Variants in PHIP observed in about 807,000 individuals in gnomAD.
PHIP encodes the protein PH-interacting protein.
A neutral mutation model predicts 236.8 loss-of-function variants in PHIP; 54 were observed. That is an observed-to-expected ratio of 0.23 (90% confidence interval 0.18 to 0.29). The LOEUF is 0.29. Ranked by LOEUF, PHIP falls within the 10% of genes least tolerant of loss-of-function variation. The pLI is 1.00. For synonymous variants in PHIP, 756 were observed against 718.9 expected, an observed-to-expected ratio of 1.05 and a Z score of -0.83; for missense variants, 1,370 against 2,190.8, an observed-to-expected ratio of 0.63 and a Z score of 7.48.
chr6:78,981,450 T>A (rs867470891), intron 23 of PHIP, among the ~76,000 whole-genome samples: 2 of 152,040 alleles, frequency 1.3e-5, no homozygotes, highest in African/African-American at 4.8e-5. Flanking sequence ...ATATTTAAAG[T>A]GACCCACATA....
intron 6 of PHIP, among the ~76,000 whole-genome samples, chr6:79,045,721 T>A (rs746290362): frequency 6.6e-6 from 1 of 152,130 alleles, no homozygotes; most frequent in African/African-American, 2.4e-5. Context: ...AGCTAGAACA[T>A]CAATTTTTAA....
chr6:78,982,803 GT>G, intron 23 of PHIP, 82 bp downstream of exon 23: 1 of 799,374 alleles, frequency 1.3e-6, no homozygotes, highest in Non-Finnish European at 2.0e-6. Flanking sequence ...CTTCAACAAT[GT>G]TTGTGATCAA....
intron 4 of PHIP, among the ~76,000 whole-genome samples, chr6:79,067,334 A>G (rs1206169666): frequency 6.6e-6 from 1 of 152,296 alleles, no homozygotes. Flanking sequence ...TTTCAAACTT[A>G]TGTCCCTTCC....
chr6:78,946,589 T>C, intron 37 of PHIP, 122 bp downstream of exon 37: 1 of 1,420,210 alleles, frequency 7.0e-7, no homozygotes, highest in Non-Finnish European at 9.1e-7. Context: ...CATAGGAACT[T>C]GCATGTCAAA....
chr6:78,963,054 T>C (rs775113377), intron 30 of PHIP, 43 bp downstream of exon 30: 1 of 1,526,958 alleles, frequency 6.5e-7, no homozygotes, highest in Non-Finnish European at 8.8e-7. Context: ...CATTACTTTG[T>C]GTTCTGCCAG....
intron 15 of PHIP, among the ~76,000 whole-genome samples, chr6:79,005,241 G>C (rs2127734056): frequency 6.6e-6 from 1 of 152,026 alleles, no homozygotes; most frequent in South Asian, 2.1e-4. Flanking sequence ...GAAAGTTGGA[G>C]GATGATAAGA....
chr6:79,037,984 G>A (rs779555665), intron 7 of PHIP, among the ~76,000 whole-genome samples: 4 of 152,180 alleles, frequency 2.6e-5, no homozygotes, highest in Non-Finnish European at 5.9e-5. Context: ...AAAGTTAAGC[G>A]GCAGTACTCC....
chr6:79,051,424 A>C (rs1772790606), intron 6 of PHIP, among the ~76,000 whole-genome samples: 1 of 152,176 alleles, frequency 6.6e-6, no homozygotes, highest in South Asian at 2.1e-4. Flanking sequence ...AGTAAGGGGA[A>C]ATAGTCACCT....
chr6:79,049,074 CTT>C (rs759656243), intron 6 of PHIP, among the ~76,000 whole-genome samples: 24 of 145,008 alleles, frequency 1.7e-4, no homozygotes, highest in African/African-American at 4.5e-4. Context: ...ACTAGTTTTA[CTT>C]TTTTTTTTTT....
intron 9 of PHIP, among the ~76,000 whole-genome samples, chr6:79,022,592 T>A (rs958240968): frequency 6.6e-6 from 1 of 152,214 alleles, no homozygotes; most frequent in African/African-American, 2.4e-5. Context: ...CTTGGCAGAC[T>A]AAGCGCCTAA....
At chr6:78,972,826 GA>G (rs887431124) in intron 24 of PHIP, among the ~76,000 whole-genome samples, 33 of 152,094 alleles carry the variant, frequency 2.2e-4, no homozygotes, top group Non-Finnish European at 3.7e-4. Flanking sequence ...GAAGTTTAGA[GA>G]AAAAAACAAT....
chr6:78,977,897 T>C (rs1479392076), intron 24 of PHIP, among the ~76,000 whole-genome samples: 2 of 152,174 alleles, frequency 1.3e-5, no homozygotes, highest in African/African-American at 4.8e-5. Flanking sequence ...TACCACTTTA[T>C]ACTGTAAATT....
rs1773487695 is a variant in PHIP at position 78,941,290 on chromosome 6, T to C, written c.4869A>G (p.Gln1623=). Residue 1623 remains glutamine (Q), a synonymous_variant, in exon 40 of 40, where the codon CAA becomes CAG. Transcript: ENST00000275034. ...KNNALVPGTI[Q]VNGHGGQPSK... ...ATGGCTGTCCTCCATGGCCATTTAC[T>C]TGAATGGTTCCTGGTACAAGAGCGT... The C allele has an allele frequency of 6.2e-7, 1 of 1,613,452 alleles. No individual in the cohort carries two copies. Among genetic ancestry groups the C allele is most frequent in the African/African-American group, 1.3e-5 (1 of 74,920 alleles).
intron 31 of PHIP, among the ~76,000 whole-genome samples, 167 bp downstream of exon 31, chr6:78,961,523 G>C (rs1280609621): frequency 6.6e-6 from 1 of 151,968 alleles, no homozygotes; most frequent in African/African-American, 2.4e-5. Context: ...CAGAATCTCA[G>C]GTCCCACTCC....
chr6:78,974,409 C>A (rs1009084674), intron 24 of PHIP, among the ~76,000 whole-genome samples: 3 of 151,430 alleles, frequency 2.0e-5, no homozygotes, highest in African/African-American at 7.3e-5. Context: ...CACTAAATGC[C>A]CACAAGAGTA....
intron 21 of PHIP, 98 bp from the exon 22 acceptor site, chr6:78,985,526 T>C (rs920216539): frequency 5.3e-6 from 4 of 755,494 alleles, no homozygotes; most frequent in African/African-American, 3.6e-5. Flanking sequence ...ATCAGTCATA[T>C]TGGGATATTT....
chr6:78,945,523 A>C (rs1399759390), intron 38 of PHIP, 26 bp from the exon 39 acceptor site: 1 of 1,413,634 alleles, frequency 7.1e-7, no homozygotes, highest in South Asian at 1.2e-5. Context: ...AAAATTTAAA[A>C]ATTAAGAGTT....
intron 15 of PHIP, among the ~76,000 whole-genome samples, chr6:79,008,559 T>C (rs978470899): frequency 6.8e-6 from 1 of 147,364 alleles, no homozygotes; most frequent in Non-Finnish European, 1.5e-5. Context: ...CATATTAGCA[T>C]GGTGTGTCTT....
In PHIP at chr6:79,077,843, G is replaced by C. The variant is rs1413105413; in HGVS notation, c.99+12C>G. ...CGAGCGCCGGCCCGGCCCGCGCCGC[G>C]CGCCGCCGTACCTGAGCCGCCTGCT... On this transcript the variant is annotated intron_variant, in intron 2 of 39. Coordinates refer to ENST00000275034, the MANE Select transcript of PHIP (RefSeq NM_017934.7). The C allele has an allele frequency of 1.0e-5, 15 of 1,441,188 alleles. No homozygotes were observed. The highest frequency in any genetic ancestry group is 1.3e-5 in the Non-Finnish European group (14 of 1,091,506). The allele number at this position is 1,441,188 out of a possible 1,614,324, so 89.3% of individuals were successfully genotyped here.
Sources: gnomAD v4.1 joint callset for allele counts (sites outside exome capture counted in the v4.1 genomes callset) on GRCh38, gnomAD v4.1.1 for gene constraint, MANE v1.5 for transcripts, NCBI Gene and HGNC (gene_info 2026-07-23, HGNC 2026-07-21) for gene names.